MBOAT2: variants seen among roughly 807,000 people sequenced by gnomAD.
MBOAT2 encodes membrane bound glycerophospholipid O-acyltransferase 2.
MBOAT2 carries 28 observed loss-of-function variants against 63.4 expected under a neutral mutation model. The observed-to-expected ratio is 0.44, with a 90% CI of 0.33 to 0.61. The LOEUF (loss-of-function observed/expected upper bound fraction) is 0.61, where lower values mean the gene tolerates loss of function less well. Ranked by LOEUF, MBOAT2 falls within the 20% of genes least tolerant of loss-of-function variation. The pLI is 0.03. For missense variants in MBOAT2, 470 were observed against 605.8 expected (o/e 0.78, Z 2.35); for synonymous variants, 211 against 215.6 (o/e 0.98, Z 0.19).
intron 12 of MBOAT2, among the ~76,000 whole-genome samples, chr2:8,860,152 C>T (rs2148504991): frequency 6.6e-6 from 1 of 152,058 alleles, no homozygotes; most frequent in East Asian, 1.9e-4. Context: ...GATTGCACCA[C>T]TGCACTCCAG....
rs1459040139 is a variant in MBOAT2, at chr2:8,905,699, A to C, written c.395+2922T>G. On this transcript the variant is annotated intron_variant, in intron 4 of 12. Coordinates refer to ENST00000305997, the MANE Select transcript of MBOAT2 (RefSeq NM_138799.4). ...AGGGATAGCATTAGGAGAAATACCTAATGTAAATGACAAGTTAATGGGTGC... is the reference window on the plus strand; with the variant it reads ...AGGGATAGCATTAGGAGAAATACCTCATGTAAATGACAAGTTAATGGGTGC... Among the ~76,000 whole-genome samples, 5 of 152,318 alleles carry C rather than the reference A, an allele frequency of 3.3e-5. No homozygotes were observed. The East Asian group carries it at 7.7e-4, about 24-fold the overall frequency.
intron 1 of MBOAT2, among the ~76,000 whole-genome samples, chr2:9,000,227 A>AT (rs1310414291): frequency 1.3e-5 from 2 of 152,192 alleles, no homozygotes; most frequent in Non-Finnish European, 2.9e-5. Flanking sequence ...AACAAGTTAT[A>AT]TTTTTACACT....
chr2:8,956,970 C>A (rs1359889248), intron 2 of MBOAT2, among the ~76,000 whole-genome samples: 1 of 152,180 alleles, frequency 6.6e-6, no homozygotes, highest in African/African-American at 2.4e-5. Flanking sequence ...TGAATGGTGT[C>A]CCCTGGAGTT....
intron 2 of MBOAT2, 31 bp downstream of exon 2, chr2:8,958,466 T>C (rs1365872004): frequency 6.5e-7 from 1 of 1,543,188 alleles, no homozygotes; most frequent in South Asian, 1.3e-5. Context: ...CAAATAGTCT[T>C]CATTTTAAAA....
chr2:8,892,623 GAC>G (rs1237560381), intron 4 of MBOAT2, among the ~76,000 whole-genome samples: 3 of 152,292 alleles, frequency 2.0e-5, no homozygotes, highest in East Asian at 3.9e-4. Context: ...ACAGGTAAAA[GAC>G]ACAGTGTGTC....
At chr2:8,924,334 G>A (rs987985387) in intron 3 of MBOAT2, among the ~76,000 whole-genome samples, 2 of 152,076 alleles carry the variant, frequency 1.3e-5, no homozygotes, top group Non-Finnish European at 2.9e-5. Context: ...CTGGTGTCTG[G>A]TAACCAGAAC....
At chr2:8,886,475 C>G (rs1046065373) in intron 5 of MBOAT2, among the ~76,000 whole-genome samples, 3 of 152,132 alleles carry the variant, frequency 2.0e-5, no homozygotes, top group Admixed American at 6.6e-5. Context: ...ATGGCTTAGA[C>G]AGGGTTCAAT....
intron 4 of MBOAT2, among the ~76,000 whole-genome samples, chr2:8,906,601 G>A (rs1029799106): frequency 2.6e-5 from 4 of 152,212 alleles, no homozygotes; most frequent in African/African-American, 9.7e-5. Flanking sequence ...TAATGTTACT[G>A]TTTTAAATGC....
intron 3 of MBOAT2, among the ~76,000 whole-genome samples, chr2:8,924,773 A>C (rs1666825802): frequency 6.6e-6 from 1 of 151,914 alleles, no homozygotes; most frequent in African/African-American, 2.4e-5. Context: ...TAATGAAGTC[A>C]CTTAATTGTT....
chr2:8,998,179 C>T (rs116014970), intron 1 of MBOAT2, among the ~76,000 whole-genome samples: 3,683 of 152,268 alleles, frequency 0.024, 56 homozygotes, highest in Non-Finnish European at 0.04. Context: ...AAACCGTTAA[C>T]TGACAGGAGC....
intron 4 of MBOAT2, among the ~76,000 whole-genome samples, chr2:8,896,536 C>T (rs972874537): frequency 6.6e-6 from 1 of 152,162 alleles, no homozygotes; most frequent in Non-Finnish European, 1.5e-5. Flanking sequence ...TAGGATAATG[C>T]ATGTTACACT....
chr2:8,916,197 T>TA (rs1479011947), intron 3 of MBOAT2, among the ~76,000 whole-genome samples: 4 of 152,172 alleles, frequency 2.6e-5, no homozygotes, highest in Non-Finnish European at 5.9e-5. Flanking sequence ...CACTGAGCTG[T>TA]TGAATTAATG....
chr2:8,909,827 A>G (rs1665583050), intron 3 of MBOAT2, among the ~76,000 whole-genome samples: 1 of 152,252 alleles, frequency 6.6e-6, no homozygotes, highest in South Asian at 2.1e-4. Context: ...ATCAAATTTT[A>G]AATAATTTCT....
At chr2:8,918,011 A>G (rs1666309882) in intron 3 of MBOAT2, among the ~76,000 whole-genome samples, 1 of 152,218 alleles carries the variant, frequency 6.6e-6, no homozygotes, top group Non-Finnish European at 1.5e-5. Context: ...GAAATTCTAG[A>G]GCAGGCTAAA....
chr2:8,913,341 T>G (rs1002316734), intron 3 of MBOAT2, among the ~76,000 whole-genome samples: 1 of 151,966 alleles, frequency 6.6e-6, no homozygotes. Flanking sequence ...AGTTGGGACC[T>G]ATTTAAACTG....
chr2:8,870,639 T>G (rs1456953498), intron 8 of MBOAT2, among the ~76,000 whole-genome samples: 1 of 151,776 alleles, frequency 6.6e-6, no homozygotes, highest in African/African-American at 2.4e-5. Flanking sequence ...ACTGACAGAG[T>G]TGAAACCTGA....
chr2:8,932,022 T>A (rs1434047619), intron 3 of MBOAT2, among the ~76,000 whole-genome samples: 2 of 152,196 alleles, frequency 1.3e-5, no homozygotes, highest in Non-Finnish European at 2.9e-5. Context: ...TGTTCTAATA[T>A]CCTTTCACTA....
chr2:8,995,124 A>C (rs1168959894), intron 1 of MBOAT2, among the ~76,000 whole-genome samples: 3 of 152,256 alleles, frequency 2.0e-5, no homozygotes, highest in Non-Finnish European at 2.9e-5. Context: ...GTAAGCTCAC[A>C]GTAAGAACAG....
intron 3 of MBOAT2, among the ~76,000 whole-genome samples, chr2:8,924,119 A>G (rs1395878377): frequency 6.6e-6 from 1 of 152,182 alleles, no homozygotes; most frequent in Non-Finnish European, 1.5e-5. Context: ...CTACTTGAAT[A>G]GAAGAATTTT....
Sources: allele counts gnomAD v4.1 joint callset (sites outside exome capture counted in the v4.1 genomes callset), GRCh38; gene constraint gnomAD v4.1.1; transcripts MANE v1.5; gene names NCBI Gene and HGNC (gene_info 2026-07-23, HGNC 2026-07-21).